The following ZNF74 variants were observed in gnomAD, a reference collection of about 807,000 sequenced individuals.
ZNF74 encodes the protein zinc finger protein 74, also known as zinc finger protein 520.
A neutral mutation model predicts 17.7 loss-of-function variants in ZNF74; 12 were observed. That is an observed-to-expected ratio of 0.68 (90% CI 0.43 to 1.10). The LOEUF (loss-of-function observed/expected upper bound fraction) is 1.10, where lower values mean the gene tolerates loss of function less well. ZNF74 is among the 50% of genes least tolerant of loss of function. The pLI, the probability that ZNF74 is intolerant of heterozygous loss-of-function variation, is 0.00. For synonymous variants in ZNF74, 358 were observed against 362.1 expected, an observed-to-expected ratio of 0.99 and a Z score of 0.13; for missense variants, 811 against 881.0, an observed-to-expected ratio of 0.92 and a Z score of 1.01.
In ZNF74 at chr22:20,394,280, G is replaced by A. The variant is rs767754025; in HGVS notation, c.-349G>A. ...GGGACCTGTCCGCTGGTCGCTCCGC[G>A]TCCGATGGCTCCTGGCCGCGGAACC... On this transcript the variant is annotated 5_prime_UTR_variant, in exon 1 of 5. Coordinates refer to ENST00000400451, the MANE Select transcript of ZNF74 (RefSeq NM_003426.4). 2.8e-6 allele frequency: 2 copies of A among 706,808 alleles called. No homozygotes were observed. Among genetic ancestry groups the A allele is most frequent in the African/African-American group, 1.8e-5 (1 of 56,652 alleles). 43.8% of individuals were successfully genotyped at this position (706,808 alleles called of 1,614,324 possible). A position where few individuals can be genotyped will look rare whatever the true frequency, so the allele number is the denominator to read the frequency against.
Position 20,401,333 on chromosome 22 carries a change from T to C in ZNF74, c.304T>C (p.Trp102Arg), listed in dbSNP as rs771712171. 24 of 1,611,224 alleles carry C rather than the reference T, an allele frequency of 1.5e-5. No homozygotes were observed. The South Asian group carries it at 2.5e-4, about 17-fold the overall frequency. The change falls in exon 4 of 5, where the codon TGG becomes CGG. Residue 102 changes from tryptophan (W) to arginine (R), a missense_variant. Physicochemically the swap from Trp to Arg is moderately radical, Grantham distance 101. Around this residue, in one of 3 missense-constraint regions of ZNF74, gnomAD observed 666 missense variants for 702.3 expected, o/e 0.95. Coordinates refer to ENST00000400451, the MANE Select transcript of ZNF74 (RefSeq NM_003426.4). The surrounding 1 kb of genome is among the most constrained non-coding windows in gnomAD (Gnocchi z 4.2). ...ISHLERGEEP[W>R]SMQREVPRGP... ...TCATCTGGAACGAGGCGAGGAGCCA[T>C]GGAGCATGCAGAGGGAAGTCCCCAG...
At chr22:20,404,956 C>G (rs73879349) in intron 4 of ZNF74, among the ~76,000 whole-genome samples, 5,971 of 152,264 alleles carry the variant, frequency 0.039, 282 homozygotes, top group African/African-American at 0.11. Context: ...AACAAACAAA[C>G]AAAAAACATG....
rs569622702 is a variant in ZNF74 at position 20,395,523 on chromosome 22, G to A, written c.120+105G>A. 1,593 of 832,040 alleles carry A rather than the reference G, an allele frequency of 1.9e-3. 40 individuals carry two copies. In the South Asian group the frequency reaches 0.023, roughly 12 times the overall value. 51.5% of individuals were successfully genotyped at this position (832,040 alleles called of 1,614,324 possible). A position where few individuals can be genotyped will look rare whatever the true frequency, so the allele number is the denominator to read the frequency against. Reference sequence around the variant, plus strand: ...CAGACCTTCACCCGGGTACCTGCTGGCCAGTCCTCAGGAAGCTCTGGGCAG... The same window carrying A: ...CAGACCTTCACCCGGGTACCTGCTGACCAGTCCTCAGGAAGCTCTGGGCAG... On this transcript the variant is annotated intron_variant, in intron 2 of 4. Coordinates refer to ENST00000400451, the MANE Select transcript of ZNF74 (RefSeq NM_003426.4).
Position 20,400,674 on chromosome 22 carries a change from G to A in ZNF74, c.163G>A (p.Glu55Lys), listed in dbSNP as rs1486217430. Residue 55 changes from glutamate to lysine, a missense_variant, in exon 3 of 5, where the codon GAG becomes AAG. Coordinates refer to ENST00000400451, the MANE Select transcript of ZNF74 (RefSeq NM_003426.4). Reference sequence around the variant, plus strand: ...GGATGTGGCTGTGGACTTCACCCAGGAGGAGTGGGGTCAACTAGACTCCCC... The same window carrying A: ...GGATGTGGCTGTGGACTTCACCCAGAAGGAGTGGGGTCAACTAGACTCCCC... ...FKDVAVDFTQ[E>K]EWGQLDSPQR... 2.5e-6 allele frequency: 4 copies of A among 1,614,164 alleles called. No individual in the cohort carries two copies. Among genetic ancestry groups the A allele is most frequent in the Admixed American group, 1.7e-5 (1 of 60,028 alleles).
rs568434993 is a variant in ZNF74 at position 20,401,335 on chromosome 22, G to T, written c.306G>T (p.Trp102Cys). 1.0e-4 allele frequency: 165 copies of T among 1,610,780 alleles called. No homozygotes were observed. The highest frequency in any genetic ancestry group is 1.3e-4 in the Non-Finnish European group (158 of 1,178,624). ...ATCTGGAACGAGGCGAGGAGCCATGGAGCATGCAGAGGGAAGTCCCCAGAG... is the reference window on the plus strand; with the variant it reads ...ATCTGGAACGAGGCGAGGAGCCATGTAGCATGCAGAGGGAAGTCCCCAGAG... ...ISHLERGEEP[W>C]SMQREVPRGP... The change falls in exon 4 of 5, where the codon TGG becomes TGT. Residue 102 changes from tryptophan (W) to cysteine (C), a missense_variant. Transcript: ENST00000400451. This position sits in a 1 kb window ranked among gnomAD's most constrained non-coding sequence, Gnocchi z 4.2.
chr22:20,398,436 G>A (rs905352107), intron 2 of ZNF74, among the ~76,000 whole-genome samples: 3 of 151,690 alleles, frequency 2.0e-5, no homozygotes, highest in South Asian at 2.1e-4. Context: ...AAACTGCTCC[G>A]CAGTTTGCTT....
rs2052454369 is a variant in ZNF74, at chr22:20,408,219, A to G, written c.*1251A>G. 6.6e-6 allele frequency: 1 copy of G among 151,904 alleles called. No homozygotes were observed. Among genetic ancestry groups the G allele is most frequent in the South Asian group, 2.1e-4 (1 of 4,806 alleles). The allele number at this position is 151,904 out of a possible 1,614,324, so 9.4% of individuals were successfully genotyped here. On this transcript the variant is annotated 3_prime_UTR_variant, in exon 5 of 5. Transcript: ENST00000400451. Reference sequence around the variant, plus strand: ...AAAAGGCGGCTCTCCCTGTCCCAACACTCTTCAGAGACAGGAAGACAGAGT... The same window carrying G: ...AAAAGGCGGCTCTCCCTGTCCCAACGCTCTTCAGAGACAGGAAGACAGAGT...
intron 2 of ZNF74, chr22:20,399,452 G>T: frequency 8.4e-6 from 2 of 237,042 alleles, no homozygotes; most frequent in South Asian, 4.1e-5. Context: ...ATCTTTGTAT[G>T]TAAAGTGGGT....
chr22:20,394,271 T>G lies in ZNF74; in HGVS notation c.-358T>G, dbSNP rs1333977470. 1.4e-6 allele frequency: 1 copy of G among 706,616 alleles called. No individual in the cohort carries two copies. The highest frequency in any genetic ancestry group is 1.5e-5 in the South Asian group (1 of 67,294). The allele number at this position is 706,616 out of a possible 1,614,324, so 43.8% of individuals were successfully genotyped here. On this transcript the variant is annotated 5_prime_UTR_variant, in exon 1 of 5. Transcript: ENST00000400451. ...GTCCGCTTCGGGACCTGTCCGCTGG[T>G]CGCTCCGCGTCCGATGGCTCCTGGC...
At position 20,394,344 on chromosome 22, in the gene ZNF74, G is replaced by A. The variant is rs941545550; in HGVS notation, c.-285G>A. On this transcript the variant is annotated 5_prime_UTR_variant, in exon 1 of 5. Transcript: ENST00000400451. ...TGGTCTCCGAGCGCGGGTTCGCCGG[G>A]AGGAGCGTGTGGCGGGGGTGTGCCG... 9 of 695,080 alleles carry A rather than the reference G, an allele frequency of 1.3e-5. No individual in the cohort carries two copies. The highest frequency in any genetic ancestry group is 2.1e-5 in the Admixed American group (1 of 48,350). 43.1% of individuals were successfully genotyped at this position (695,080 alleles called of 1,614,324 possible). A position where few individuals can be genotyped will look rare whatever the true frequency, so the allele number is the denominator to read the frequency against.
chr22:20,396,868 T>C (rs555211968), intron 2 of ZNF74, among the ~76,000 whole-genome samples: 1 of 152,288 alleles, frequency 6.6e-6, no homozygotes, highest in South Asian at 2.1e-4. Context: ...CTGGGTTTTT[T>C]ATTCCTTTCC....
chr22:20,405,557 C>T lies in ZNF74; in HGVS notation c.524C>T (p.Pro175Leu). 1 of 1,609,984 alleles carries T rather than the reference C, an allele frequency of 6.2e-7. No homozygotes were observed. The change falls in exon 5 of 5, where the codon CCT (proline) becomes CTT (leucine). Residue 175 changes from proline to leucine, a missense_variant. Transcript: ENST00000400451. Reference sequence around the variant, plus strand: ...GCACCTGCCATGGTCTGGGACGTCCCTGTAGAGGAATTCCCCCTCAGGTGT... The same window carrying T: ...GCACCTGCCATGGTCTGGGACGTCCTTGTAGAGGAATTCCCCCTCAGGTGT... ...APAPAMVWDV[P>L]VEEFPLRCPL...
Position 20,395,387 on chromosome 22 carries a change from C to T in ZNF74, c.89C>T (p.Ser30Leu), listed in dbSNP as rs1435006666. 5.0e-6 allele frequency: 8 copies of T among 1,606,200 alleles called. No homozygotes were observed. The highest frequency in any genetic ancestry group is 1.7e-5 in the Admixed American group (1 of 59,824). ...CTGAAAGAGAATCTCGAGGATATAT[C>T]GGGTTGGGGTCTTCCCGAAGCCAGG... Reference protein sequence around the residue: ...LSLKENLEDISGWGLPEARSK... With the variant: ...LSLKENLEDILGWGLPEARSK... Residue 30 changes from serine (S) to leucine (L), a missense_variant, in exon 2 of 5, where the codon TCG (serine) becomes TTG (leucine). Ser to Leu is a moderately radical substitution (Grantham distance 145). Around this residue, in one of 3 missense-constraint regions of ZNF74, gnomAD observed 666 missense variants for 702.3 expected, o/e 0.95. Transcript: ENST00000400451.
rs373470034 is a variant in ZNF74, at chr22:20,406,633, G to A, written c.1600G>A (p.Gly534Ser). ...GEKPYKCSEC[G>S]RAFSQNHCLI... ...GAAGCCCTACAAGTGCAGCGAGTGC[G>A]GCAGAGCCTTCAGCCAGAACCACTG... Residue 534 changes from glycine (G) to serine (S), a missense_variant, in exon 5 of 5, where the codon GGC (glycine) becomes AGC (serine). Around this residue, in one of 3 missense-constraint regions of ZNF74, gnomAD observed 30 missense variants for 59.2 expected, o/e 0.51. Coordinates refer to ENST00000400451, the MANE Select transcript of ZNF74 (RefSeq NM_003426.4). The A allele has an allele frequency of 1.8e-4, 295 of 1,614,126 alleles. 1 individual carries two copies. The highest frequency in any genetic ancestry group is 2.4e-4 in the Non-Finnish European group (280 of 1,180,046).
Position 20,406,037 on chromosome 22 carries a change from G to A in ZNF74, c.1004G>A (p.Ser335Asn), listed in dbSNP as rs751473470. 1.2e-6 allele frequency: 2 copies of A among 1,612,784 alleles called. No individual in the cohort carries two copies. Among genetic ancestry groups the A allele is most frequent in the Non-Finnish European group, 1.7e-6 (2 of 1,179,622 alleles). Residue 335 changes from serine (S) to asparagine (N), a missense_variant, in exon 5 of 5, where the codon AGC (serine) becomes AAC (asparagine). By Grantham distance (46) the Ser-to-Asn change is conservative (BLOSUM62 1). Transcript: ENST00000400451. ...IHTGERPYKC[S>N]ACEKAFSCSS... is the part of the protein sequence containing the mutation. ...ACGGGCGAGCGGCCCTACAAGTGCA[G>A]CGCCTGCGAGAAGGCCTTCAGCTGC...
rs1030159480 is a variant in ZNF74 at position 20,408,414 on chromosome 22, A to G, written c.*1446A>G. The G allele has an allele frequency of 6.6e-6, 1 of 152,224 alleles. No individual in the cohort carries two copies. Among genetic ancestry groups the G allele is most frequent in the African/African-American group, 2.4e-5 (1 of 41,460 alleles). 9.4% of individuals were successfully genotyped at this position (152,224 alleles called of 1,614,324 possible). A position where few individuals can be genotyped will look rare whatever the true frequency, so the allele number is the denominator to read the frequency against. On this transcript the variant is annotated 3_prime_UTR_variant, in exon 5 of 5. Coordinates refer to ENST00000400451, the MANE Select transcript of ZNF74 (RefSeq NM_003426.4). ...AGAAAATGTGGACTTCTGAAAAATA[A>G]AATCCCCATAATTCTTAATAAAACT... is the stretch of plus-strand genomic sequence containing the variant.
intron 2 of ZNF74, chr22:20,399,589 T>TTTA: frequency 2.4e-6 from 1 of 415,124 alleles, no homozygotes; most frequent in South Asian, 1.7e-5. Flanking sequence ...TTTTTTCTTT[T>TTTA]GACAGAGTTT....
At chr22:20,405,240 C>G in intron 4 of ZNF74, 137 bp from the exon 5 acceptor site, 1 of 903,700 alleles carries the variant, frequency 1.1e-6, no homozygotes, top group Non-Finnish European at 1.7e-6. Context: ...TTCTCTCTGC[C>G]TGCACCTTCC....
intron 4 of ZNF74, among the ~76,000 whole-genome samples, chr22:20,402,515 C>A (rs781458805): frequency 1.3e-5 from 2 of 151,956 alleles, no homozygotes; most frequent in South Asian, 4.1e-4. Context: ...TCTAAAGCTA[C>A]ATGTGGCCAG....
Sources: gnomAD v4.1 joint callset for allele counts (sites outside exome capture counted in the v4.1 genomes callset) on GRCh38, gnomAD v4.1.1 for gene constraint, gnomAD v4.1.1 regional missense constraint, Gnocchi (gnomAD v3.1) non-coding constraint, MANE v1.5 for transcripts, NCBI Gene and HGNC (gene_info 2026-07-23, HGNC 2026-07-21) for gene names.